Variants in CPEB3 observed in about 807,000 individuals in gnomAD.
CPEB3 encodes the protein cytoplasmic polyadenylation element binding protein 3, also known as cytoplasmic polyadenylation element-binding protein 3.
A neutral mutation model predicts 67.2 loss-of-function variants in CPEB3; 20 were observed. That is an observed-to-expected ratio of 0.30 (90% CI 0.21 to 0.43). The LOEUF (loss-of-function observed/expected upper bound fraction) is 0.43. CPEB3 is among the 20% of genes least tolerant of loss of function. The pLI is 1.00. For missense variants in CPEB3, 746 were observed against 968.6 expected, an observed-to-expected ratio of 0.77 and a Z score of 3.05; for synonymous variants, 376 against 393.1, an observed-to-expected ratio of 0.96 and a Z score of 0.51.
chr10:92,113,279 T>C (rs1387221226), intron 6 of CPEB3, among the ~76,000 whole-genome samples: 1 of 152,230 alleles, frequency 6.6e-6, no homozygotes, highest in African/African-American at 2.4e-5. Context: ...AATACATACA[T>C]CATTTCTTCA....
chr10:92,241,979 CAGA>C (rs1156891156), intron 1 of CPEB3, among the ~76,000 whole-genome samples: 5 of 152,170 alleles, frequency 3.3e-5, no homozygotes, highest in African/African-American at 1.2e-4. Context: ...CAGATACACA[CAGA>C]AGCTCTGCCT....
At chr10:92,091,502 T>C (rs1843617543) in intron 8 of CPEB3, among the ~76,000 whole-genome samples, 1 of 152,012 alleles carries the variant, frequency 6.6e-6, no homozygotes, top group South Asian at 2.1e-4. Flanking sequence ...AAAAGATTTC[T>C]GTCATACATA....
At chr10:92,278,969 C>G (rs916100113) in intron 1 of CPEB3, among the ~76,000 whole-genome samples, 1 of 151,916 alleles carries the variant, frequency 6.6e-6, no homozygotes, top group Non-Finnish European at 1.5e-5. Flanking sequence ...AATACAAGAT[C>G]ATTTCATCTA....
chr10:92,135,906 C>A (rs576384999), intron 6 of CPEB3, among the ~76,000 whole-genome samples: 1 of 150,872 alleles, frequency 6.6e-6, no homozygotes, highest in Non-Finnish European at 1.5e-5. Flanking sequence ...CAAACTATCA[C>A]GAGGATAGAA....
intron 2 of CPEB3, among the ~76,000 whole-genome samples, chr10:92,199,258 G>T (rs908951412): frequency 6.6e-6 from 1 of 151,962 alleles, no homozygotes; most frequent in Non-Finnish European, 1.5e-5. Flanking sequence ...AGGCATGGTG[G>T]CGCATGCCTG....
intron 8 of CPEB3, among the ~76,000 whole-genome samples, chr10:92,091,597 G>A (rs1391304330): frequency 6.6e-6 from 1 of 152,140 alleles, no homozygotes; most frequent in Non-Finnish European, 1.5e-5. Flanking sequence ...GCACTAAATA[G>A]AATTCATTTT....
At chr10:92,086,331 A>G (rs1467875293) in intron 8 of CPEB3, among the ~76,000 whole-genome samples, 1 of 152,248 alleles carries the variant, frequency 6.6e-6, no homozygotes, top group Non-Finnish European at 1.5e-5. Context: ...CACACACTTC[A>G]AGTGGAAGAA....
chr10:92,172,668 T>C lies in CPEB3; in HGVS notation c.1222+8295A>G, dbSNP rs149615435. On this transcript the variant is annotated intron_variant, in intron 4 of 9. Coordinates refer to ENST00000265997, the MANE Select transcript of CPEB3 (RefSeq NM_014912.5). The stretch of plus-strand genomic sequence containing the variant: ...TACCCATGTAACAAACCTGCATATG[T>C]ACCCCCTGAACCTAAAAGTTGAAAG... Among the ~76,000 whole-genome samples the C allele has an allele frequency of 5.0e-3, 756 of 152,356 alleles. 3 individuals are homozygous for C. The highest frequency in any genetic ancestry group is 0.048 in the Middle Eastern group (14 of 294).
At chr10:92,112,086 C>A (rs1844772442) in intron 6 of CPEB3, among the ~76,000 whole-genome samples, 1 of 150,244 alleles carries the variant, frequency 6.7e-6, no homozygotes, top group Non-Finnish European at 1.5e-5. Flanking sequence ...GGGACATATC[C>A]ATGGTTTATG....
chr10:92,286,584 A>T (rs1040113462), intron 1 of CPEB3, among the ~76,000 whole-genome samples: 2 of 133,072 alleles, frequency 1.5e-5, no homozygotes, highest in Non-Finnish European at 3.2e-5. Context: ...GACTCTATCT[A>T]AAAAAAAAAA....
In CPEB3 at chr10:92,118,898, G is replaced by A. The variant is rs183935258; in HGVS notation, c.1454-7704C>T. 2.6e-3 allele frequency: 2,374 copies of A among 913,772 alleles called. 10 individuals carry two copies. The highest frequency in any genetic ancestry group is 3.9e-3 in the Non-Finnish European group (2,093 of 541,938). The allele number at this position is 913,772 out of a possible 1,614,324, so 56.6% of individuals were successfully genotyped here. ...CACTGGTACTGCTTTGAGGGCAGGG[G>A]CCTCTCTTTTTGGCATGTCAGCCCT... On this transcript the variant is annotated intron_variant, in intron 6 of 9. Transcript: ENST00000265997.
chr10:92,115,960 T>C (rs1845002903), intron 6 of CPEB3, among the ~76,000 whole-genome samples: 1 of 152,064 alleles, frequency 6.6e-6, no homozygotes. Context: ...AGAGCCATTT[T>C]CTCGTCACGA....
At chr10:92,212,906 C>A (rs1253516189) in intron 2 of CPEB3, among the ~76,000 whole-genome samples, 1 of 151,960 alleles carries the variant, frequency 6.6e-6, no homozygotes, top group Middle Eastern at 3.2e-3. Context: ...CCCATCTCTA[C>A]AAAAAATAAA....
chr10:92,156,784 C>T (rs1847229108), intron 4 of CPEB3, among the ~76,000 whole-genome samples: 1 of 152,048 alleles, frequency 6.6e-6, no homozygotes, highest in East Asian at 1.9e-4. Flanking sequence ...AACGTTTTTA[C>T]ACATGATGAT....
chr10:92,120,976 C>T (rs976438135), intron 6 of CPEB3, among the ~76,000 whole-genome samples: 1 of 151,954 alleles, frequency 6.6e-6, no homozygotes, highest in Non-Finnish European at 1.5e-5. Context: ...GCTGGGATTA[C>T]AGGCATGAGC....
chr10:92,203,773 G>A (rs1849651494), intron 2 of CPEB3, among the ~76,000 whole-genome samples: 1 of 151,944 alleles, frequency 6.6e-6, no homozygotes, highest in African/African-American at 2.4e-5. Flanking sequence ...TCCACTGACT[G>A]CGGCTTGACT....
chr10:92,112,682 GC>G (rs1243863704), intron 6 of CPEB3, among the ~76,000 whole-genome samples: 5 of 152,144 alleles, frequency 3.3e-5, no homozygotes, highest in Non-Finnish European at 7.3e-5. Context: ...CAGAGCAAAG[GC>G]CCGTCATGAA....
chr10:92,101,617 T>C (rs1844191941), intron 7 of CPEB3, among the ~76,000 whole-genome samples: 1 of 152,002 alleles, frequency 6.6e-6, no homozygotes, highest in Non-Finnish European at 1.5e-5. Context: ...AGAAATAAAC[T>C]AGTTTGTGGC....
At chr10:92,153,124 G>T (rs764425231) in intron 4 of CPEB3, among the ~76,000 whole-genome samples, 23 of 152,168 alleles carry the variant, frequency 1.5e-4, no homozygotes, top group Non-Finnish European at 1.2e-4. Flanking sequence ...TCACGTCCAT[G>T]TTTTATTCTA....
Sources: gnomAD v4.1 joint callset for allele counts (sites outside exome capture counted in the v4.1 genomes callset) on GRCh38, gnomAD v4.1.1 for gene constraint, MANE v1.5 for transcripts, NCBI Gene and HGNC (gene_info 2026-07-23, HGNC 2026-07-21) for gene names.